The following SCAP variants were observed in gnomAD, a reference collection of about 807,000 sequenced individuals.
SCAP encodes SREBF chaperone.
SCAP carries 65 observed loss-of-function variants against 123.6 expected under a neutral mutation model. The ratio of observed to expected loss-of-function variants is 0.53; its 90% confidence interval spans 0.43 to 0.65. SCAP has a LOEUF of 0.65. Among genes scored for constraint, SCAP ranks in the 30% least tolerant of loss-of-function variants. SCAP has a pLI of 0.00. For missense variants in SCAP, 1,398 were observed against 1,712.5 expected (o/e 0.82, Z 3.24); for synonymous variants, 740 against 726.3 (o/e 1.02, Z -0.30).
chr3:47,453,823 C>T (rs1046080509), intron 1 of SCAP, among the ~76,000 whole-genome samples: 8 of 152,180 alleles, frequency 5.3e-5, no homozygotes, highest in Admixed American at 2.0e-4. Context: ...TCAAGGCTCT[C>T]TCTTTACTGA....
chr3:47,418,925 C>G, intron 13 of SCAP, 82 bp from the exon 14 acceptor site: 1 of 1,366,626 alleles, frequency 7.3e-7, no homozygotes, highest in South Asian at 1.5e-5. Context: ...TCCTCTCCCT[C>G]CTCCCCAGGC....
rs901830095 is a variant in SCAP, at chr3:47,418,906, G to A, written c.1941-63C>T. Reference sequence around the variant, plus strand: ...CCCAGGGCTTCCTCCTGCTGTGCTCGCCAGCCAGTCCTCTCCCTCCTCCCC... The same window carrying A: ...CCCAGGGCTTCCTCCTGCTGTGCTCACCAGCCAGTCCTCTCCCTCCTCCCC... On this transcript the variant is annotated intron_variant, in intron 13 of 22. Transcript: ENST00000265565. The A allele has an allele frequency of 2.3e-5, 32 of 1,409,888 alleles. No individual in the cohort carries two copies. The Admixed American group carries it at 4.1e-4, about 18-fold the overall frequency. The allele number at this position is 1,409,888 out of a possible 1,614,324, so 87.3% of individuals were successfully genotyped here.
chr3:47,466,171 C>T (rs1217813215), intron 1 of SCAP, among the ~76,000 whole-genome samples: 2 of 151,520 alleles, frequency 1.3e-5, no homozygotes, highest in Non-Finnish European at 2.9e-5. Context: ...AGAAATTCTC[C>T]CCATTACTTT....
At position 47,435,347 on chromosome 3, in the gene SCAP, G is replaced by C. The variant is rs553021915; in HGVS notation, c.123-210C>G. Among the ~76,000 whole-genome samples the C allele has an allele frequency of 7.9e-5, 12 of 152,180 alleles. No homozygotes were observed. In the South Asian group the frequency reaches 2.5e-3, roughly 32 times the overall value. On this transcript the variant is annotated intron_variant, in intron 2 of 22. Transcript: ENST00000265565. ...CTTATTTTAGTCACATAAACCTTAC[G>C]AAGAAGCCCAACTGGTAAAATAGAC...
chr3:47,443,087 G>C lies in SCAP; in HGVS notation c.-94C>G. 4.4e-6 allele frequency: 7 copies of C among 1,577,070 alleles called. No individual in the cohort carries two copies. The highest frequency in any genetic ancestry group is 6.0e-6 in the Non-Finnish European group (7 of 1,160,984). ...GCACTGACAAAGAACAACATGTGCA[G>C]GTACCTGGTAAGAAGGGAGAAAAGC... On this transcript the variant is annotated 5_prime_UTR_variant, in exon 2 of 23. Coordinates refer to ENST00000265565, the MANE Select transcript of SCAP (RefSeq NM_012235.4).
intron 1 of SCAP, among the ~76,000 whole-genome samples, chr3:47,469,118 T>C (rs983708549): frequency 6.6e-6 from 1 of 152,168 alleles, no homozygotes; most frequent in African/African-American, 2.4e-5. Context: ...GATGCCAAGG[T>C]GGGCAGATCA....
chr3:47,450,505 T>C (rs1707197481), intron 1 of SCAP, among the ~76,000 whole-genome samples: 2 of 116,934 alleles, frequency 1.7e-5, no homozygotes, highest in Admixed American at 9.4e-5. Flanking sequence ...TGTGATTATA[T>C]GCAGGGTTTT....
chr3:47,420,918 A>G lies in SCAP; in HGVS notation c.1344+13T>C. ...TGAGGAGGCGGGCAGGGCAGGGCTC[A>G]GCCCACTCCTACCTCCATCCGGCGA... On this transcript the variant is annotated intron_variant, in intron 11 of 22. Transcript: ENST00000265565. The surrounding 1 kb of genome is among the most constrained non-coding windows in gnomAD (Gnocchi z 5.0). 1.2e-6 allele frequency: 2 copies of G among 1,609,942 alleles called. No individual in the cohort carries two copies. Among genetic ancestry groups the G allele is most frequent in the South Asian group, 2.2e-5 (2 of 90,996 alleles).
Position 47,434,785 on chromosome 3 carries a change from C to T in SCAP, c.252+223G>A, listed in dbSNP as rs1464219200. 9.0e-6 allele frequency: 4 copies of T among 443,328 alleles called. No homozygotes were observed. The East Asian group carries it at 1.8e-4, about 20-fold the overall frequency. 27.5% of individuals were successfully genotyped at this position (443,328 alleles called of 1,614,324 possible). On this transcript the variant is annotated intron_variant, in intron 3 of 22. Transcript: ENST00000265565. The stretch of plus-strand genomic sequence containing the variant: ...CCGGGAGGCGGAGGTTGCAGTGAGC[C>T]GAGATTGTGCCATTGCACTCCAGCC...
intron 4 of SCAP, 40 bp downstream of exon 4, chr3:47,428,473 G>A: frequency 6.3e-7 from 1 of 1,598,868 alleles, no homozygotes; most frequent in Non-Finnish European, 8.6e-7. Flanking sequence ...CTTCAGTACA[G>A]AATGGGATTC....
chr3:47,444,527 G>A (rs575779776), intron 1 of SCAP, among the ~76,000 whole-genome samples: 1 of 152,182 alleles, frequency 6.6e-6, no homozygotes, highest in South Asian at 2.1e-4. Context: ...AGGCTGGAGT[G>A]CAGTGGGCAC....
Position 47,414,405 on chromosome 3 carries a change from G to A in SCAP, c.3388-19C>T. On this transcript the variant is annotated intron_variant, in intron 21 of 22. Coordinates refer to ENST00000265565, the MANE Select transcript of SCAP (RefSeq NM_012235.4). The stretch of plus-strand genomic sequence containing the variant: ...CCATGGTCTGGGGAAACAGGCCAGG[G>A]GAGTGGGGTCACCATGGTGTAATAC... The A allele has an allele frequency of 6.2e-7, 1 of 1,611,898 alleles. No homozygotes were observed.
At position 47,450,898 on chromosome 3, in the gene SCAP, T is replaced by A. The variant is rs188458863; in HGVS notation, c.-98-7807A>T. ...TGGGGTCTCACTCTGTCACCCAGGC[T>A]GGGGTACAGTGGCACTATCATGTCT... On this transcript the variant is annotated intron_variant, in intron 1 of 22. Coordinates refer to ENST00000265565, the MANE Select transcript of SCAP (RefSeq NM_012235.4). Among the ~76,000 whole-genome samples, 2 of 124,092 alleles carry A rather than the reference T, an allele frequency of 1.6e-5. 1 individual carries two copies. Among genetic ancestry groups the A allele is most frequent in the East Asian group, 5.7e-4 (2 of 3,518 alleles). The allele number at this position is 124,092 out of a possible 152,430, so 81.4% of individuals were successfully genotyped here.
intron 1 of SCAP, among the ~76,000 whole-genome samples, chr3:47,473,792 GTTTA>G (rs1708160384): frequency 1.3e-5 from 2 of 152,076 alleles, no homozygotes; most frequent in African/African-American, 2.4e-5. Context: ...TCCTTTTTTA[GTTTA>G]TTTAATTCCT....
intron 2 of SCAP, among the ~76,000 whole-genome samples, chr3:47,435,511 CACACACAGAT>C (rs1300756783): frequency 4.1e-5 from 6 of 146,414 alleles, no homozygotes; most frequent in East Asian, 2.0e-4. Context: ...CACACACACA[CACACACAGAT>C]AGATAGGCGC....
intron 3 of SCAP, 110 bp downstream of exon 3, chr3:47,434,898 G>T: frequency 1.5e-6 from 2 of 1,361,074 alleles, no homozygotes; most frequent in Non-Finnish European, 2.1e-6. Context: ...TAAAGTACAT[G>T]AATTCACAAA....
At chr3:47,454,309 A>G (rs959583347) in intron 1 of SCAP, among the ~76,000 whole-genome samples, 3 of 151,746 alleles carry the variant, frequency 2.0e-5, no homozygotes, top group Non-Finnish European at 2.9e-5. Context: ...CGGAGCCTGC[A>G]GTGAGCAGAG....
chr3:47,457,901 C>T (rs529317957), intron 1 of SCAP, among the ~76,000 whole-genome samples: 2 of 151,976 alleles, frequency 1.3e-5, no homozygotes, highest in Non-Finnish European at 2.9e-5. Context: ...AGCGAGACTC[C>T]GTCTCAAAAT....
At chr3:47,418,065 A>G in intron 16 of SCAP, 69 bp downstream of exon 16, 1 of 928,074 alleles carries the variant, frequency 1.1e-6, no homozygotes, top group South Asian at 1.4e-5. Flanking sequence ...GAGGGGAGAT[A>G]CGTGGCGGCG....
Sources: allele counts gnomAD v4.1 joint callset (sites outside exome capture counted in the v4.1 genomes callset), GRCh38; gene constraint gnomAD v4.1.1; non-coding constraint Gnocchi (gnomAD v3.1); transcripts MANE v1.5; gene names NCBI Gene and HGNC (gene_info 2026-07-23, HGNC 2026-07-21).